Variants in CDCA8 observed in about 807,000 individuals in gnomAD.
CDCA8 encodes the protein borealin.
Under a neutral mutation model 40.0 loss-of-function variants are expected in CDCA8, and 25 were observed. The ratio of observed to expected loss-of-function variants is 0.63; its 90% confidence interval spans 0.46 to 0.87. The LOEUF (loss-of-function observed/expected upper bound fraction) is 0.87, where lower values mean the gene tolerates loss of function less well. Ranked by LOEUF, CDCA8 falls within the 40% of genes least tolerant of loss-of-function variation. The pLI is 0.00. For missense variants in CDCA8, 280 were observed against 348.4 expected (o/e 0.80, Z 1.56); for synonymous variants, 111 against 126.5 (o/e 0.88, Z 0.82).
chr1:37,702,377 C>T (rs1645571311), intron 6 of CDCA8, among the ~76,000 whole-genome samples: 1 of 152,004 alleles, frequency 6.6e-6, no homozygotes, highest in African/African-American at 2.4e-5. Context: ...TACCCCATAG[C>T]TCGTCATAGA....
intron 3 of CDCA8, among the ~76,000 whole-genome samples, chr1:37,697,984 G>A (rs776086550): frequency 3.9e-5 from 6 of 152,150 alleles, no homozygotes; most frequent in Non-Finnish European, 7.3e-5. Flanking sequence ...GGAAAGGACT[G>A]TGAATCATGA....
intron 9 of CDCA8, 151 bp from the exon 10 acceptor site, chr1:37,708,171 C>T (rs750235295): frequency 1.3e-5 from 9 of 669,190 alleles, no homozygotes; most frequent in Non-Finnish European, 2.4e-5. Context: ...TGTTATTTTA[C>T]TCCCTTGTTC....
chr1:37,707,045 G>A lies in CDCA8; in HGVS notation c.779G>A (p.Gly260Glu). Residue 260 changes from glycine to glutamate, a missense_variant, in exon 9 of 10, where the codon GGA becomes GAA. Coordinates refer to ENST00000373055, the MANE Select transcript of CDCA8 (RefSeq NM_001256875.2). ...SIAQLDPEAL[G>E]NIKKLSNRLA... ...GCCCAGCTGGATCCAGAGGCCTTGG[G>A]AAACATTAAGAAGCTCTCCGTAAGT... 1 of 1,614,070 alleles carries A rather than the reference G, an allele frequency of 6.2e-7. No homozygotes were observed. The highest frequency in any genetic ancestry group is 8.5e-7 in the Non-Finnish European group (1 of 1,179,916).
At position 37,700,502 on chromosome 1, in the gene CDCA8, A is replaced by C. The variant is rs565423678; in HGVS notation, c.404A>C (p.Lys135Thr). 36 of 1,608,570 alleles carry C rather than the reference A, an allele frequency of 2.2e-5. No homozygotes were observed. The Admixed American group carries it at 5.8e-4, about 26-fold the overall frequency. The change falls in exon 5 of 10, where the codon AAG (lysine) becomes ACG (threonine). Residue 135 changes from lysine to threonine, a missense_variant. Physicochemically the swap from Lys to Thr is moderately conservative, Grantham distance 78. Coordinates refer to ENST00000373055, the MANE Select transcript of CDCA8 (RefSeq NM_001256875.2). ...GAAGAAGAAGAAGAAAATGAACGTA[A>C]GAATCTTCAAACTGCAAGAGTAAGT... is the stretch of plus-strand genomic sequence containing the variant. ...EEEEEEENER[K>T]NLQTARVKRC... is the part of the protein sequence containing the mutation.
At chr1:37,695,444 T>C (rs967746671) in intron 2 of CDCA8, among the ~76,000 whole-genome samples, 7 of 144,082 alleles carry the variant, frequency 4.9e-5, no homozygotes, top group Non-Finnish European at 7.5e-5. Flanking sequence ...AACACAAAAA[T>C]TAGCCGAATG....
chr1:37,698,442 A>G (rs1429526845), intron 3 of CDCA8, among the ~76,000 whole-genome samples: 1 of 152,256 alleles, frequency 6.6e-6, no homozygotes, highest in Non-Finnish European at 1.5e-5. Flanking sequence ...TGATATAGCA[A>G]TGAAAACAAA....
At chr1:37,703,213 T>A (rs1481431189) in intron 6 of CDCA8, 39 bp from the exon 7 acceptor site, 1 of 1,491,098 alleles carries the variant, frequency 6.7e-7, no homozygotes, top group Non-Finnish European at 9.4e-7. Context: ...TCGTGGAACC[T>A]GAGAGTTGGC....
chr1:37,697,797 C>T (rs556223381), intron 3 of CDCA8, among the ~76,000 whole-genome samples: 1 of 152,250 alleles, frequency 6.6e-6, no homozygotes, highest in Non-Finnish European at 1.5e-5. Context: ...AATGCCCCTA[C>T]TTTCTGTTGC....
intron 7 of CDCA8, among the ~76,000 whole-genome samples, chr1:37,703,828 T>C (rs1645581028): frequency 6.6e-6 from 1 of 152,214 alleles, no homozygotes; most frequent in Non-Finnish European, 1.5e-5. Context: ...GTTTCACCTA[T>C]CTTCAGTGGC....
chr1:37,702,382 C>CA (rs1458351458), intron 6 of CDCA8, among the ~76,000 whole-genome samples: 4 of 152,014 alleles, frequency 2.6e-5, no homozygotes, highest in Non-Finnish European at 4.4e-5. Flanking sequence ...CATAGCTCGT[C>CA]ATAGAGTGGC....
intron 9 of CDCA8, among the ~76,000 whole-genome samples, chr1:37,707,920 G>A (rs549737887): frequency 3.3e-5 from 5 of 152,330 alleles, no homozygotes; most frequent in Middle Eastern, 3.4e-3. Context: ...CTTGGGTGGT[G>A]GATGAAGCAC....
intron 2 of CDCA8, among the ~76,000 whole-genome samples, chr1:37,694,140 C>G (rs1040500832): frequency 1.3e-5 from 2 of 150,948 alleles, no homozygotes; most frequent in African/African-American, 4.9e-5. Flanking sequence ...AACTCCGTCT[C>G]AAAAAAAAAG....
rs899362489 is a variant in CDCA8, at chr1:37,709,222, A to G, written c.*856A>G. ...GTTTTATGTCATTGGCCACAGAATA[A>G]CTGTCTCTAAGCTATCCATGGTCCA... On this transcript the variant is annotated 3_prime_UTR_variant, in exon 10 of 10. Coordinates refer to ENST00000373055, the MANE Select transcript of CDCA8 (RefSeq NM_001256875.2). The G allele has an allele frequency of 6.6e-6, 1 of 152,226 alleles. No individual in the cohort carries two copies. The highest frequency in any genetic ancestry group is 1.5e-5 in the Non-Finnish European group (1 of 68,068). The allele number at this position is 152,226 out of a possible 1,614,324, so 9.4% of individuals were successfully genotyped here.
At chr1:37,695,726 T>C (rs1272579070) in intron 2 of CDCA8, among the ~76,000 whole-genome samples, 184 bp from the exon 3 acceptor site, 2 of 152,222 alleles carry the variant, frequency 1.3e-5, no homozygotes, top group East Asian at 3.8e-4. Flanking sequence ...CAAAGTACCA[T>C]GGCAACAAGT....
At chr1:37,705,641 C>T (rs1645594142) in intron 8 of CDCA8, 74 bp downstream of exon 8, 2 of 1,551,426 alleles carry the variant, frequency 1.3e-6, no homozygotes, top group South Asian at 2.3e-5. Flanking sequence ...GGGCCCTCAC[C>T]CACGCTTCAC....
chr1:37,703,759 C>G (rs954707571), intron 7 of CDCA8, among the ~76,000 whole-genome samples: 1 of 152,064 alleles, frequency 6.6e-6, no homozygotes, highest in Non-Finnish European at 1.5e-5. Context: ...GCCTGGGATG[C>G]CTTGTCAGAG....
intron 3 of CDCA8, 66 bp from the exon 4 acceptor site, chr1:37,698,839 C>A (rs745951329): frequency 1.6e-5 from 17 of 1,085,318 alleles, no homozygotes; most frequent in Non-Finnish European, 2.3e-5. Context: ...AAGTTTTTAT[C>A]TTGAAATATT....
At position 37,700,548 on chromosome 1, in the gene CDCA8, G is replaced by A. The variant is rs943161870; in HGVS notation, c.423+27G>A. On this transcript the variant is annotated intron_variant, in intron 5 of 9. Transcript: ENST00000373055. ...TAAGTGGACACTGAGGTTGGAGGCT[G>A]GGGGTTATCACAAGACAAGCAAATA... 6 of 1,382,582 alleles carry A rather than the reference G, an allele frequency of 4.3e-6. No homozygotes were observed. In the African/African-American group the frequency reaches 7.1e-5, roughly 16 times the overall value. 85.6% of individuals were successfully genotyped at this position (1,382,582 alleles called of 1,614,324 possible).
chr1:37,706,522 T>A (rs1645602658), intron 8 of CDCA8, among the ~76,000 whole-genome samples: 1 of 152,228 alleles, frequency 6.6e-6, no homozygotes, highest in South Asian at 2.1e-4. Context: ...GCAATCATGG[T>A]ACCTGTGATA....
Sources: allele counts gnomAD v4.1 joint callset (sites outside exome capture counted in the v4.1 genomes callset), GRCh38; gene constraint gnomAD v4.1.1; transcripts MANE v1.5; gene names NCBI Gene and HGNC (gene_info 2026-07-23, HGNC 2026-07-21).